The following TRAIP variants were observed in gnomAD, a reference collection of about 807,000 sequenced individuals.
TRAIP encodes TRAF interacting protein.
Under a neutral mutation model 65.0 loss-of-function variants are expected in TRAIP, and 37 were observed. That is an observed-to-expected ratio of 0.57 (90% confidence interval 0.44 to 0.75). TRAIP has a LOEUF of 0.75. Among genes scored for constraint, TRAIP ranks in the 30% least tolerant of loss-of-function variants. The probability of loss-of-function intolerance (pLI) is 0.00; values close to 1 mark genes in which losing one functional copy is unlikely to be tolerated. For missense variants in TRAIP, 481 were observed against 579.4 expected (o/e 0.83, Z 1.74); for synonymous variants, 187 against 219.1 (o/e 0.85, Z 1.29).
chr3:49,829,221 T>C lies in TRAIP; in HGVS notation c.1292A>G (p.Asp431Gly), dbSNP rs982881853. 8 of 1,614,068 alleles carry C rather than the reference T, an allele frequency of 5.0e-6. No homozygotes were observed. In the Admixed American group the frequency reaches 1.3e-4, roughly 27 times the overall value. Residue 431 changes from aspartate to glycine, a missense_variant, in exon 15 of 15, where the codon GAC becomes GGC. Transcript: ENST00000331456. ...AGGCAATGGGCGGATCATGACTGTG[T>C]CAGTCTGGAGGAGCTGTCAAGGAAG... ...GGRTKFIQPT[D>G]TVMIRPLPVK...
At position 49,829,458 on chromosome 3, in the gene TRAIP, A is replaced by G; in HGVS notation, c.1287T>C (p.Pro429=). The G allele has an allele frequency of 6.2e-7, 1 of 1,614,084 alleles. No individual in the cohort carries two copies. The highest frequency in any genetic ancestry group is 1.1e-5 in the South Asian group (1 of 91,086). ...GCTCAACATCACAGGAAAAGGATAC[A>G]GGCTGGATGAATTTTGTCCGGCCAC... ...GLGGRTKFIQ[P]TDTVMIRPLP... is the part of the protein sequence containing the mutation. Residue 429 remains proline, a splice_region_variant and synonymous_variant, in exon 14 of 15, where the codon CCT becomes CCC. Coordinates refer to ENST00000331456, the MANE Select transcript of TRAIP (RefSeq NM_005879.3).
At chr3:49,847,104 T>C (rs2081889690) in intron 3 of TRAIP, among the ~76,000 whole-genome samples, 1 of 151,532 alleles carries the variant, frequency 6.6e-6, no homozygotes, top group African/African-American at 2.4e-5. Flanking sequence ...TGTTTTAACC[T>C]AGGAGGCAGA....
intron 14 of TRAIP, 102 bp downstream of exon 14, chr3:49,829,356 C>G (rs1426949985): frequency 6.2e-7 from 1 of 1,611,282 alleles, no homozygotes; most frequent in Non-Finnish European, 8.5e-7. Context: ...AGGCCCAGCA[C>G]TGCACACCTG....
chr3:49,840,297 T>G lies in TRAIP; in HGVS notation c.782A>C (p.Asp261Ala). 6.2e-7 allele frequency: 1 copy of G among 1,614,106 alleles called. No individual in the cohort carries two copies. Among genetic ancestry groups the G allele is most frequent in the Non-Finnish European group, 8.5e-7 (1 of 1,179,942 alleles). The change falls in exon 9 of 15, where the codon GAC (aspartate) becomes GCC (alanine). Residue 261 changes from aspartate to alanine, a missense_variant. Asp to Ala is a moderately radical substitution (Grantham distance 126). Transcript: ENST00000331456. Reference protein sequence around the residue: ...KSAQKDLQSADKEIMSLKKKL... With the variant: ...KSAQKDLQSAAKEIMSLKKKL... The stretch of plus-strand genomic sequence containing the variant: ...GATGTCCCTCACCATGATTTCCTTG[T>G]CAGCACTCTGTAAGTCCTTCTGGGC...
chr3:49,845,418 T>C (rs1374050374), intron 3 of TRAIP, among the ~76,000 whole-genome samples: 1 of 152,238 alleles, frequency 6.6e-6, no homozygotes, highest in Non-Finnish European at 1.5e-5. Flanking sequence ...AACCTTACTG[T>C]AGATCACTTG....
rs149741495 is a variant in TRAIP, at chr3:49,829,670, C to G, written c.1183G>C (p.Gly395Arg). Residue 395 changes from glycine to arginine, a missense_variant, in exon 13 of 15, where the codon GGC becomes CGC. Physicochemically the swap from Gly to Arg is moderately radical, Grantham distance 125. Coordinates refer to ENST00000331456, the MANE Select transcript of TRAIP (RefSeq NM_005879.3). ...FPIFVRNAIL[G>R]QKQPKRPRSE... ...CTGGGCCTCTTGGGCTGTTTCTGGC[C>G]TAGGATGGCATTCCGGACAAAAATA... 2 of 1,614,050 alleles carry G rather than the reference C, an allele frequency of 1.2e-6. No homozygotes were observed. The highest frequency in any genetic ancestry group is 2.7e-5 in the African/African-American group (2 of 74,920).
At position 49,847,575 on chromosome 3, in the gene TRAIP, A is replaced by G. The variant is rs1432932898; in HGVS notation, c.190T>C (p.Phe64Leu). ...TTCTCCTCCTCCTGGGCAAGATCAA[A>G]GAAGAGCTTATTGATAATGGTTCTT... ...GKRTIINKLF[F>L]DLAQEEENVL... The change falls in exon 3 of 15, where the codon TTT becomes CTT. Residue 64 changes from phenylalanine to leucine, a missense_variant. Phe to Leu is a conservative substitution (Grantham distance 22, BLOSUM62 0). Coordinates refer to ENST00000331456, the MANE Select transcript of TRAIP (RefSeq NM_005879.3). 1.2e-6 allele frequency: 2 copies of G among 1,611,542 alleles called. No individual in the cohort carries two copies. The highest frequency in any genetic ancestry group is 1.7e-6 in the Non-Finnish European group (2 of 1,179,298).
At chr3:49,848,471 G>A (rs1342610630) in intron 1 of TRAIP, among the ~76,000 whole-genome samples, 1 of 152,194 alleles carries the variant, frequency 6.6e-6, no homozygotes, top group East Asian at 1.9e-4. Flanking sequence ...CTGGGGTTGG[G>A]AGAGATGATA....
At chr3:49,844,780 G>A (rs1253533946) in intron 3 of TRAIP, among the ~76,000 whole-genome samples, 200 bp from the exon 4 acceptor site, 1 of 152,242 alleles carries the variant, frequency 6.6e-6, no homozygotes, top group Non-Finnish European at 1.5e-5. Flanking sequence ...TTGAAAAGTA[G>A]GTAAGATGGA....
rs869237477 is a variant in TRAIP, at chr3:49,850,650, A to ATTTTTT, written c.99-2456_99-2451dup. Among the ~76,000 whole-genome samples, 15 of 90,684 alleles carry ATTTTTT rather than the reference A, an allele frequency of 1.7e-4. 2 individuals carry two copies. Among genetic ancestry groups the ATTTTTT allele is most frequent in the East Asian group, 2.7e-4 (1 of 3,760 alleles). 59.5% of individuals were successfully genotyped at this position (90,684 alleles called of 152,430 possible). A position where few individuals can be genotyped will look rare whatever the true frequency, so the allele number is the denominator to read the frequency against. ...GTTTCTAGAGCTGATAATAGTCTGC[A>ATTTTTT]TTTTTTTTTTTTTTTTTTTTTTGAG... On this transcript the variant is annotated intron_variant, in intron 1 of 14. Coordinates refer to ENST00000331456, the MANE Select transcript of TRAIP (RefSeq NM_005879.3).
In TRAIP at chr3:49,847,583, T is replaced by C. The variant is rs751919007; in HGVS notation, c.182A>G (p.Lys61Arg). 16 of 1,610,706 alleles carry C rather than the reference T, an allele frequency of 9.9e-6. No homozygotes were observed. In the Admixed American group the frequency reaches 2.5e-4, roughly 26 times the overall value. ...IQVGKRTIIN[K>R]LFFDLAQEEE... ...CTCCTGGGCAAGATCAAAGAAGAGC[T>C]TATTGATAATGGTTCTTTTGCCAAC... Residue 61 changes from lysine to arginine, a missense_variant, in exon 3 of 15, where the codon AAG becomes AGG. By Grantham distance (26) the Lys-to-Arg change is conservative. Coordinates refer to ENST00000331456, the MANE Select transcript of TRAIP (RefSeq NM_005879.3).
At chr3:49,850,600 G>A (rs1163733650) in intron 1 of TRAIP, among the ~76,000 whole-genome samples, 2 of 150,894 alleles carry the variant, frequency 1.3e-5, no homozygotes, top group African/African-American at 4.9e-5. Flanking sequence ...GGGGTTGGAA[G>A]AGCATATAAG....
At chr3:49,844,085 C>A in intron 4 of TRAIP, 157 bp from the exon 5 acceptor site, 2 of 1,007,456 alleles carry the variant, frequency 2.0e-6, no homozygotes, top group Non-Finnish European at 2.8e-6. Flanking sequence ...CTGGGATGTG[C>A]CAAACCAGAG....
At chr3:49,834,873 T>C (rs771003504) in intron 10 of TRAIP, among the ~76,000 whole-genome samples, 3 of 152,110 alleles carry the variant, frequency 2.0e-5, no homozygotes, top group Non-Finnish European at 4.4e-5. Flanking sequence ...AAAACAGACA[T>C]ACTCAAAGAG....
chr3:49,848,319 CA>C, intron 1 of TRAIP, 119 bp from the exon 2 acceptor site: 2 of 1,046,244 alleles, frequency 1.9e-6, no homozygotes, highest in Non-Finnish European at 2.9e-6. Context: ...AATGCCTGCC[CA>C]AATAAGAGGA....
chr3:49,841,287 T>G (rs2081837239), intron 7 of TRAIP, among the ~76,000 whole-genome samples: 1 of 152,224 alleles, frequency 6.6e-6, no homozygotes, highest in South Asian at 2.1e-4. Context: ...CTGCAGGCAC[T>G]GGTGACTTGA....
intron 11 of TRAIP, 102 bp downstream of exon 11, chr3:49,831,814 C>G (rs2081735218): frequency 7.5e-7 from 1 of 1,340,972 alleles, no homozygotes; most frequent in Non-Finnish European, 9.8e-7. Flanking sequence ...AGGCAACCCT[C>G]ACTGCCCCAT....
chr3:49,830,822 C>T lies in TRAIP; in HGVS notation c.1038-754G>A, dbSNP rs551632305. Among the ~76,000 whole-genome samples, 20 of 152,334 alleles carry T rather than the reference C, an allele frequency of 1.3e-4. No individual in the cohort carries two copies. In the South Asian group the frequency reaches 3.7e-3, roughly 28 times the overall value. On this transcript the variant is annotated intron_variant, in intron 11 of 14. Transcript: ENST00000331456. ...AGTGGGATCAGGGCCTGATGACTGA[C>T]TCCTCTGCTCCTGCCCTAACGGCCT...
At position 49,842,319 on chromosome 3, in the gene TRAIP, T is replaced by TGA. The variant is rs1408998557; in HGVS notation, c.503+132_503+133dup. 12 of 817,914 alleles carry TGA rather than the reference T, an allele frequency of 1.5e-5. No individual in the cohort carries two copies. In the Admixed American group the frequency reaches 1.9e-4, roughly 13 times the overall value. 50.7% of individuals were successfully genotyped at this position (817,914 alleles called of 1,614,324 possible). A position where few individuals can be genotyped will look rare whatever the true frequency, so the allele number is the denominator to read the frequency against. ...GATCTGTGCCCACACCCAGCTGACC[T>TGA]GAGCCCTCCATGGCCTATGGAGATT... On this transcript the variant is annotated intron_variant, in intron 6 of 14. Transcript: ENST00000331456.
Sources: gnomAD v4.1 joint callset for allele counts (sites outside exome capture counted in the v4.1 genomes callset) on GRCh38, gnomAD v4.1.1 for gene constraint, MANE v1.5 for transcripts, NCBI Gene and HGNC (gene_info 2026-07-23, HGNC 2026-07-21) for gene names.